The following XPO6 variants were observed in gnomAD, a reference collection of about 807,000 sequenced individuals.
XPO6 encodes exportin 6.
Under a neutral mutation model 130.0 loss-of-function variants are expected in XPO6, and 3 were observed. The observed-to-expected ratio is 0.02, with a 90% CI of 0.01 to 0.06. The LOEUF is 0.06. XPO6 is among the 10% of genes least tolerant of loss of function. The pLI, the probability that XPO6 is intolerant of heterozygous loss-of-function variation, is 1.00. For synonymous variants in XPO6, 524 were observed against 548.9 expected (o/e 0.95, Z 0.63); for missense variants, 970 against 1,393.0 (o/e 0.70, Z 4.83).
chr16:28,123,678 C>T (rs1052603331), intron 13 of XPO6, among the ~76,000 whole-genome samples: 6 of 152,160 alleles, frequency 3.9e-5, no homozygotes, highest in South Asian at 4.2e-4. Context: ...CAAAGTCCCA[C>T]GAAGTCCTCG....
At position 28,210,348 on chromosome 16, in the gene XPO6, T is replaced by C. The variant is rs142529910; in HGVS notation, c.3+1018A>G. 4.5e-3 allele frequency among the ~76,000 whole-genome samples: 685 copies of C among 152,198 alleles called. 7 individuals are homozygous for C. The highest frequency in any genetic ancestry group is 0.016 in the African/African-American group (664 of 41,516). On this transcript the variant is annotated intron_variant, in intron 1 of 23. Coordinates refer to ENST00000304658, the MANE Select transcript of XPO6 (RefSeq NM_015171.4). ...TCCCTTTCTCTATTATACCACTAAC[T>C]TGGCAGGGGTAAAATGGGTGAAACT...
intron 8 of XPO6, among the ~76,000 whole-genome samples, chr16:28,149,122 C>A (rs367861438): frequency 6.6e-6 from 1 of 151,238 alleles, no homozygotes; most frequent in Admixed American, 6.6e-5. Flanking sequence ...CCCTCCCCCC[C>A]AGGGTATACC....
At chr16:28,194,710 T>C (rs1218732182) in intron 1 of XPO6, among the ~76,000 whole-genome samples, 1 of 152,070 alleles carries the variant, frequency 6.6e-6, no homozygotes, top group South Asian at 2.1e-4. Flanking sequence ...AAAAAAAGAT[T>C]GCTAAAAAGA....
chr16:28,111,105 T>C (rs1214023302), intron 17 of XPO6: 1 of 152,288 alleles, frequency 6.6e-6, no homozygotes, highest in African/African-American at 2.4e-5. Context: ...TTAATCTTCC[T>C]AGTTATAAAA....
At chr16:28,209,283 TA>T (rs1484620966) in intron 1 of XPO6, among the ~76,000 whole-genome samples, 2 of 152,128 alleles carry the variant, frequency 1.3e-5, no homozygotes, top group Non-Finnish European at 2.9e-5. Flanking sequence ...ACTGTACACT[TA>T]AAAATGGTTA....
chr16:28,105,367 C>T (rs529874876), intron 20 of XPO6, among the ~76,000 whole-genome samples: 57 of 152,280 alleles, frequency 3.7e-4, no homozygotes, highest in African/African-American at 1.4e-3. Context: ...CCAAATGTCT[C>T]TGCAGAATTC....
At chr16:28,111,796 C>T (rs2086928376) in intron 17 of XPO6, 21 bp downstream of exon 17, 8 of 1,612,088 alleles carry the variant, frequency 5.0e-6, no homozygotes, top group Non-Finnish European at 5.1e-6. Context: ...CCCCAGCTGT[C>T]CTAGCCTAGG....
In XPO6 at chr16:28,154,174, G is replaced by C. The variant is rs1212403338; in HGVS notation, c.1098-1389C>G. 3.1e-6 allele frequency: 3 copies of C among 971,824 alleles called. No homozygotes were observed. The African/African-American group carries it at 5.6e-5, about 18-fold the overall frequency. The allele number at this position is 971,824 out of a possible 1,614,324, so 60.2% of individuals were successfully genotyped here. A position where few individuals can be genotyped will look rare whatever the true frequency, so the allele number is the denominator to read the frequency against. ...TTCCTCACTCACTTATGTACCGCAT[G>C]ATAGTTTTACATGGATATTCAAAGT... On this transcript the variant is annotated intron_variant, in intron 7 of 23. Transcript: ENST00000304658.
intron 8 of XPO6, among the ~76,000 whole-genome samples, chr16:28,150,279 A>G (rs2141813622): frequency 6.6e-6 from 1 of 152,352 alleles, no homozygotes; most frequent in East Asian, 1.9e-4. Flanking sequence ...TTCCAGGTAC[A>G]GAGAGGAGGA....
intron 13 of XPO6, among the ~76,000 whole-genome samples, chr16:28,122,169 A>G (rs1464443117): frequency 6.6e-6 from 1 of 152,132 alleles, no homozygotes; most frequent in Non-Finnish European, 1.5e-5. Context: ...GACAGGCGGG[A>G]AGAAGTGTCA....
At position 28,132,434 on chromosome 16, in the gene XPO6, T is replaced by C; in HGVS notation, c.1537-31A>G. 1 of 1,509,940 alleles carries C rather than the reference T, an allele frequency of 6.6e-7. No homozygotes were observed. The highest frequency in any genetic ancestry group is 9.1e-7 in the Non-Finnish European group (1 of 1,103,496). The allele number at this position is 1,509,940 out of a possible 1,614,324, so 93.5% of individuals were successfully genotyped here. A position where few individuals can be genotyped will look rare whatever the true frequency, so the allele number is the denominator to read the frequency against. ...AACAAAGAAACAAAAACAACAAAAA[T>C]TTTAAGCCATAAATGCAAGTTTTAA... On this transcript the variant is annotated intron_variant, in intron 11 of 23. Transcript: ENST00000304658. The surrounding 1 kb of genome is among the most constrained non-coding windows in gnomAD (Gnocchi z 4.0).
At chr16:28,134,961 T>C (rs1271506634) in intron 10 of XPO6, among the ~76,000 whole-genome samples, 1 of 152,150 alleles carries the variant, frequency 6.6e-6, no homozygotes, top group African/African-American at 2.4e-5. Flanking sequence ...CTAAACCGTT[T>C]TTCATTGTGC....
chr16:28,159,114 C>A (rs1009946372), intron 6 of XPO6, among the ~76,000 whole-genome samples: 2 of 151,924 alleles, frequency 1.3e-5, no homozygotes, highest in African/African-American at 4.8e-5. Flanking sequence ...CCTATAGGCC[C>A]AGCTACTCAG....
At position 28,192,517 on chromosome 16, in the gene XPO6, C is replaced by T. The variant is rs1033139606; in HGVS notation, c.4-11486G>A. Reference sequence around the variant, plus strand: ...CCAGACCTAGGGACAAAGAATGGTGCTAGCCACAAAAGGAAGGTAGGACAC... The same window carrying T: ...CCAGACCTAGGGACAAAGAATGGTGTTAGCCACAAAAGGAAGGTAGGACAC... On this transcript the variant is annotated intron_variant, in intron 1 of 23. Coordinates refer to ENST00000304658, the MANE Select transcript of XPO6 (RefSeq NM_015171.4). Among the ~76,000 whole-genome samples, 12 of 152,188 alleles carry T rather than the reference C, an allele frequency of 7.9e-5. No homozygotes were observed. In the East Asian group the frequency reaches 1.9e-3, roughly 25 times the overall value.
intron 11 of XPO6, 54 bp downstream of exon 11, chr16:28,133,787 G>A (rs2042722044): frequency 6.4e-7 from 1 of 1,550,864 alleles, no homozygotes; most frequent in South Asian, 1.1e-5. Flanking sequence ...AACCAGCCAT[G>A]CTCTGTGTAC....
chr16:28,202,890 C>A (rs1044982073), intron 1 of XPO6, among the ~76,000 whole-genome samples: 1 of 152,196 alleles, frequency 6.6e-6, no homozygotes, highest in South Asian at 2.1e-4. Context: ...AAAGGCCACA[C>A]TGAGAGGTCA....
At chr16:28,160,755 G>A (rs1406006495) in intron 6 of XPO6, among the ~76,000 whole-genome samples, 4 of 152,074 alleles carry the variant, frequency 2.6e-5, no homozygotes, top group Admixed American at 6.5e-5. Flanking sequence ...TAAGCATCCC[G>A]AAGAGAAAGC....
intron 6 of XPO6, 50 bp downstream of exon 6, chr16:28,166,458 C>T (rs1314842286): frequency 1.3e-6 from 2 of 1,542,498 alleles, no homozygotes; most frequent in Non-Finnish European, 1.8e-6. Context: ...CACACCTGGC[C>T]CCCAATACAT....
At chr16:28,108,804 T>C (rs1294321064) in intron 17 of XPO6, among the ~76,000 whole-genome samples, 1 of 152,212 alleles carries the variant, frequency 6.6e-6, no homozygotes, top group East Asian at 1.9e-4. Context: ...AAAGAAGACA[T>C]GCTCAGGAGG....
Sources: allele counts gnomAD v4.1 joint callset (sites outside exome capture counted in the v4.1 genomes callset), GRCh38; gene constraint gnomAD v4.1.1; non-coding constraint Gnocchi (gnomAD v3.1); transcripts MANE v1.5; gene names NCBI Gene and HGNC (gene_info 2026-07-23, HGNC 2026-07-21).